ALAS1: variants seen among roughly 807,000 people sequenced by gnomAD.
The protein encoded by ALAS1 is 5-aminolevulinate synthase, non-specific, mitochondrial.
A neutral mutation model predicts 59.6 loss-of-function variants in ALAS1; 29 were observed. That is an observed-to-expected ratio of 0.49 (90% confidence interval 0.36 to 0.66). The LOEUF (loss-of-function observed/expected upper bound fraction) is 0.66. Among genes scored for constraint, ALAS1 ranks in the 30% least tolerant of loss-of-function variants. The probability of loss-of-function intolerance (pLI) is 0.00; values close to 1 mark genes in which losing one functional copy is unlikely to be tolerated. For synonymous variants in ALAS1, 299 were observed against 296.6 expected, an observed-to-expected ratio of 1.01 and a Z score of -0.08; for missense variants, 690 against 807.5, an observed-to-expected ratio of 0.85 and a Z score of 1.76.
Position 52,211,421 on chromosome 3 carries a change from G to A in ALAS1, c.1469G>A (p.Arg490Gln), listed in dbSNP as rs201359123. The A allele has an allele frequency of 5.4e-5, 87 of 1,614,176 alleles. No homozygotes were observed. In the East Asian group the frequency reaches 7.6e-4, roughly 14 times the overall value. Residue 490 changes from arginine (R) to glutamine (Q), a missense_variant, in exon 10 of 12, where the codon CGG becomes CAG. Arg to Gln is a conservative substitution (Grantham distance 43). Transcript: ENST00000484952. ...MLLAGALESVRILKSAEGRVL... is the reference protein window; with the variant it reads ...MLLAGALESVQILKSAEGRVL... ...CTGGCTGGAGCCCTGGAGTCTGTGCGGATCCTGAAGAGCGCTGAGGGACGG... is the reference window on the plus strand; with the variant it reads ...CTGGCTGGAGCCCTGGAGTCTGTGCAGATCCTGAAGAGCGCTGAGGGACGG...
Position 52,199,257 on chromosome 3 carries a change from C to T in ALAS1, c.16C>T (p.Arg6Cys), listed in dbSNP as rs757391785. 8.5e-5 allele frequency: 138 copies of T among 1,614,058 alleles called. No individual in the cohort carries two copies. In the South Asian group the frequency reaches 1.3e-3, roughly 15 times the overall value. Residue 6 changes from arginine to cysteine, a missense_variant, in exon 3 of 12, where the codon CGC (arginine) becomes TGC (cysteine). Transcript: ENST00000484952. MESVV[R>C]RCPFLSRVPQ... ...CTTCCTGAACATGGAGAGTGTTGTT[C>T]GCCGCTGCCCATTCTTATCCCGAGT...
At position 52,199,427 on chromosome 3, in the gene ALAS1, T is replaced by C; in HGVS notation, c.186T>C (p.Pro62=). 2 of 1,613,824 alleles carry C rather than the reference T, an allele frequency of 1.2e-6. No homozygotes were observed. The highest frequency in any genetic ancestry group is 8.5e-7 in the Non-Finnish European group (1 of 1,179,884). Residue 62 remains proline (P), a synonymous_variant, in exon 3 of 12, where the codon CCT becomes CCC. Transcript: ENST00000484952. The part of the protein sequence containing the change: ...AVHYQQIKET[P]PASEKDKTAK... ...ACTACCAACAGATCAAAGAAACCCC[T>C]CCGGCCAGTGAGAGTAAGTGTCATT...
At position 52,198,185 on chromosome 3, in the gene ALAS1, A is replaced by G. The variant is rs1212961254; in HGVS notation, c.-280A>G. ...AGGCTGCTCCCGGACAAGGGCAACG[A>G]GCGTTTCGTTTGGACTTCTCGACTT... On this transcript the variant is annotated 5_prime_UTR_variant, in exon 1 of 12. Transcript: ENST00000484952. 5 of 398,578 alleles carry G rather than the reference A, an allele frequency of 1.3e-5. No homozygotes were observed. Among genetic ancestry groups the G allele is most frequent in the African/African-American group, 4.1e-5 (2 of 48,608 alleles). 24.7% of individuals were successfully genotyped at this position (398,578 alleles called of 1,614,324 possible).
chr3:52,205,766 A>G, intron 6 of ALAS1, 73 bp from the exon 7 acceptor site: 1 of 1,452,740 alleles, frequency 6.9e-7, no homozygotes, highest in Non-Finnish European at 9.3e-7. Flanking sequence ...TGGATCCTAG[A>G]AAGGGGAAAA....
rs1559872191 is a variant in ALAS1 at position 52,202,665 on chromosome 3, A to G, written c.358A>G (p.Ser120Gly). 1 of 1,614,266 alleles carries G rather than the reference A, an allele frequency of 6.2e-7. No individual in the cohort carries two copies. The change falls in exon 4 of 12, where the codon AGC (serine) becomes GGC (glycine). Residue 120 changes from serine to glycine, a missense_variant. Physicochemically the swap from Ser to Gly is moderately conservative, Grantham distance 56. Transcript: ENST00000484952. ...GGCAGCACAGATGAATCAGAGAGGCAGCAGTGTCTTCTGCAAAGCCAGTCT... is the reference window on the plus strand; with the variant it reads ...GGCAGCACAGATGAATCAGAGAGGCGGCAGTGTCTTCTGCAAAGCCAGTCT... ...FLAAQMNQRG[S>G]SVFCKASLEL...
At chr3:52,211,185 G>A in intron 9 of ALAS1, 98 bp from the exon 10 acceptor site, 1 of 1,381,090 alleles carries the variant, frequency 7.2e-7, no homozygotes, top group Admixed American at 2.0e-5. Context: ...AAAAGATAAG[G>A]AGAAAAGTCA....
At chr3:52,198,145 G>C (rs1002013211), upstream of ALAS1, 2 of 398,270 alleles carry the variant, frequency 5.0e-6, no homozygotes, top group Admixed American at 8.8e-5. Flanking sequence ...TTAAGGCGCC[G>C]GCGATCGCGG....
chr3:52,204,005 G>A lies in ALAS1; in HGVS notation c.570G>A (p.Leu190=). The stretch of plus-strand genomic sequence containing the variant: ...TGTCTCATCTTCTTCAAGATAACTT[G>A]CCAAAATGTAAGTCTCATTGTTATT... The part of the protein sequence containing the change: ...ERVSHLLQDN[L]PKSVSTFQYD... The change falls in exon 5 of 12, where the codon TTG becomes TTA. Residue 190 remains leucine, a synonymous_variant. Transcript: ENST00000484952. The A allele has an allele frequency of 1.2e-6, 2 of 1,603,852 alleles. No homozygotes were observed. The highest frequency in any genetic ancestry group is 1.7e-6 in the Non-Finnish European group (2 of 1,175,462).
At chr3:52,208,346 A>C in intron 9 of ALAS1, 99 bp downstream of exon 9, 2 of 1,329,326 alleles carry the variant, frequency 1.5e-6, no homozygotes, top group East Asian at 2.5e-5. Flanking sequence ...ACAGCCTGAC[A>C]GCATATGAAG....
Position 52,214,140 on chromosome 3 carries a change from A to G in ALAS1, c.1883A>G (p.Tyr628Cys), listed in dbSNP as rs759033636. The part of the protein sequence containing the change: ...FEVMSEREKS[Y>C]FSGLSKLVSA... ...GTGATGAGTGAAAGAGAGAAGTCCT[A>G]TTTCTCAGGCTTGAGCAAGTTGGTA... Residue 628 changes from tyrosine (Y) to cysteine (C), a missense_variant, in exon 12 of 12, where the codon TAT (tyrosine) becomes TGT (cysteine). Coordinates refer to ENST00000484952, the MANE Select transcript of ALAS1 (RefSeq NM_000688.6). 3.1e-6 allele frequency: 5 copies of G among 1,613,358 alleles called. No homozygotes were observed. In the South Asian group the frequency reaches 3.3e-5, roughly 11 times the overall value.
rs761619270 is a variant in ALAS1 at position 52,205,956 on chromosome 3, A to G, written c.918A>G (p.Ala306=). 26 of 1,613,786 alleles carry G rather than the reference A, an allele frequency of 1.6e-5. 1 individual carries two copies. Among genetic ancestry groups the G allele is most frequent in the East Asian group, 6.7e-5 (3 of 44,882 alleles). The part of the protein sequence containing the change: ...ELADLHGKDA[A]LLFSSCFVAN... ...CAGACCTCCATGGGAAAGATGCCGC[A>G]CTCTTGTTTTCCTCGTGCTTTGTGG... The change falls in exon 7 of 12, where the codon GCA becomes GCG. Residue 306 remains alanine, a synonymous_variant. Transcript: ENST00000484952.
rs1309577756 is a variant in ALAS1, at chr3:52,211,307, G to A, written c.1355G>A (p.Gly452Glu). ...GGCAAAGCCTTTGGTTGTGTTGGAG[G>A]GTACATCGCCAGCACGAGTTCTCTG... ...TLGKAFGCVG[G>E]YIASTSSLID... The change falls in exon 10 of 12, where the codon GGG (glycine) becomes GAG (glutamate). Residue 452 changes from glycine to glutamate, a missense_variant. Gly to Glu is a moderately conservative substitution (Grantham distance 98, BLOSUM62 -2). Transcript: ENST00000484952. 6.2e-7 allele frequency: 1 copy of A among 1,614,030 alleles called. No individual in the cohort carries two copies.
Position 52,211,398 on chromosome 3 carries a change from G to A in ALAS1, c.1446G>A (p.Leu482=). The A allele has an allele frequency of 6.2e-7, 1 of 1,614,224 alleles. No homozygotes were observed. Among genetic ancestry groups the A allele is most frequent in the Non-Finnish European group, 8.5e-7 (1 of 1,180,056 alleles). ...CCACCTCTCTGCCACCCATGCTGCT[G>A]GCTGGAGCCCTGGAGTCTGTGCGGA... The part of the protein sequence containing the change: ...IFTTSLPPML[L]AGALESVRIL... The change falls in exon 10 of 12, where the codon CTG becomes CTA. Residue 482 remains leucine, a synonymous_variant. Coordinates refer to ENST00000484952, the MANE Select transcript of ALAS1 (RefSeq NM_000688.6).
chr3:52,207,175 T>C (rs1699310759), intron 8 of ALAS1, among the ~76,000 whole-genome samples: 1 of 152,134 alleles, frequency 6.6e-6, no homozygotes, highest in African/African-American at 2.4e-5. Context: ...AGCTAATTTT[T>C]TGTATTTTTA....
chr3:52,200,306 C>T (rs754289635), intron 3 of ALAS1, among the ~76,000 whole-genome samples: 1 of 152,136 alleles, frequency 6.6e-6, no homozygotes, highest in African/African-American at 2.4e-5. Flanking sequence ...AATTCTATAC[C>T]CATCAAACAG....
At chr3:52,202,441 T>G (rs765960951) in intron 3 of ALAS1, 66 bp from the exon 4 acceptor site, 70 of 1,223,046 alleles carry the variant, frequency 5.7e-5, no homozygotes, top group East Asian at 3.3e-4. Flanking sequence ...AAGAAAGAAA[T>G]AAGTGGTTTT....
At position 52,199,348 on chromosome 3, in the gene ALAS1, TG is replaced by T. The variant is rs1699137712; in HGVS notation, c.108del (p.Met36IlefsTer80). On this transcript the variant is annotated frameshift_variant, in exon 3 of 12. Coordinates refer to ENST00000484952, the MANE Select transcript of ALAS1 (RefSeq NM_000688.6). LOFTEE classifies it high-confidence loss of function. ...TTCTATGCCCAAAACTGCCCCAAGA[TG>T]ATGGAAGTTGGGGCCAAGCCAGCCC... ...LLFYAQNCPK[M>X]MEVGAKPAPR... is the part of the protein sequence containing the mutation. 1 of 1,614,058 alleles carries T rather than the reference TG, an allele frequency of 6.2e-7. No individual in the cohort carries two copies. The highest frequency in any genetic ancestry group is 1.1e-5 in the South Asian group (1 of 91,090).
rs750662817 is a variant in ALAS1, at chr3:52,204,904, T to C, written c.789T>C (p.Cys263=). The C allele has an allele frequency of 1.9e-6, 3 of 1,613,768 alleles. No homozygotes were observed. Among genetic ancestry groups the C allele is most frequent in the Non-Finnish European group, 2.5e-6 (3 of 1,179,852 alleles). The change falls in exon 6 of 12, where the codon TGT becomes TGC. Residue 263 remains cysteine, a synonymous_variant. Transcript: ENST00000484952. ...GAATGAGTCGCCACCCACGGGTGTG[T>C]GGGGCAGTTATGTAAGTAGCCCTTG... ...YLGMSRHPRV[C]GAVMDTLKQH...
chr3:52,212,150 A>T, intron 10 of ALAS1, 108 bp from the exon 11 acceptor site: 1 of 964,436 alleles, frequency 1.0e-6, no homozygotes. Flanking sequence ...ATGTGTTGCT[A>T]CAGTCTGGTC....
Sources: gnomAD v4.1 joint callset for allele counts (sites outside exome capture counted in the v4.1 genomes callset) on GRCh38, gnomAD v4.1.1 for gene constraint, MANE v1.5 for transcripts, NCBI Gene and HGNC (gene_info 2026-07-23, HGNC 2026-07-21) for gene names.